The following IMPG2 variants were observed in gnomAD, a reference collection of about 807,000 sequenced individuals.
IMPG2 encodes the protein IPM 200.
A neutral mutation model predicts 129.2 loss-of-function variants in IMPG2; 91 were observed. The ratio of observed to expected loss-of-function variants is 0.70; its 90% CI spans 0.59 to 0.84. IMPG2 has a LOEUF of 0.84. Among genes scored for constraint, IMPG2 ranks in the 40% least tolerant of loss-of-function variants. The pLI is 0.00. For synonymous variants in IMPG2, 510 were observed against 517.7 expected (o/e 0.99, Z 0.20); for missense variants, 1,430 against 1,461.7 (o/e 0.98, Z 0.35).
intron 8 of IMPG2, among the ~76,000 whole-genome samples, 164 bp from the exon 9 acceptor site, chr3:101,267,695 A>G (rs1259367672): frequency 6.6e-6 from 1 of 152,240 alleles, no homozygotes; most frequent in Non-Finnish European, 1.5e-5. Flanking sequence ...AAGTGAGCAA[A>G]GGTGAAAAAA....
At chr3:101,260,508 T>C (rs1284154109) in intron 9 of IMPG2, among the ~76,000 whole-genome samples, 1 of 152,152 alleles carries the variant, frequency 6.6e-6, no homozygotes, top group Non-Finnish European at 1.5e-5. Context: ...CACCTACCGA[T>C]CAGAACTCAC....
At chr3:101,236,594 G>A (rs1378886000) in intron 14 of IMPG2, among the ~76,000 whole-genome samples, 3 of 152,186 alleles carry the variant, frequency 2.0e-5, no homozygotes. Flanking sequence ...GGAAGTGCAA[G>A]GGGTTGGGGT....
rs9876182 is a variant in IMPG2 at position 101,237,688 on chromosome 3, C to T, written c.3023-4697G>A. On this transcript the variant is annotated intron_variant, in intron 14 of 18. Coordinates refer to ENST00000193391, the MANE Select transcript of IMPG2 (RefSeq NM_016247.4). ...ATAGCATCAACATCAACAAAAAGGA[C>T]GTCCAGACACAGAAACTCCATGCAA... Among the ~76,000 whole-genome samples the T allele has an allele frequency of 7.3e-3, 1,113 of 152,172 alleles. 2 individuals are homozygous for T. Among genetic ancestry groups the T allele is most frequent in the Non-Finnish European group, 0.013 (896 of 68,000 alleles).
At chr3:101,228,987 A>G (rs1706252708) in intron 17 of IMPG2, 111 bp from the exon 18 acceptor site, 1 of 807,928 alleles carries the variant, frequency 1.2e-6, no homozygotes. Context: ...GGCTATTCAG[A>G]AGTATGCTAT....
chr3:101,249,913 TA>T (rs1286457048), intron 11 of IMPG2, among the ~76,000 whole-genome samples: 1 of 149,848 alleles, frequency 6.7e-6, no homozygotes, highest in Non-Finnish European at 1.5e-5. Context: ...AAACATAAAA[TA>T]AAAAAAAATA....
intron 13 of IMPG2, among the ~76,000 whole-genome samples, chr3:101,243,293 C>T (rs891244553): frequency 1.3e-5 from 2 of 152,170 alleles, no homozygotes; most frequent in Non-Finnish European, 2.9e-5. Context: ...TCATGGAAAA[C>T]AATCTTCCTT....
chr3:101,272,625 C>T (rs1219740636), intron 7 of IMPG2, among the ~76,000 whole-genome samples: 1 of 152,218 alleles, frequency 6.6e-6, no homozygotes, highest in Non-Finnish European at 1.5e-5. Flanking sequence ...CAGGTGGCCA[C>T]TGGCCTGGCT....
intron 15 of IMPG2, 69 bp from the exon 16 acceptor site, chr3:101,231,214 C>A: frequency 1.4e-6 from 2 of 1,429,324 alleles, no homozygotes; most frequent in Non-Finnish European, 2.0e-6. Context: ...ACAGCAGAAC[C>A]TTCTGAGGGA....
chr3:101,226,111 C>T lies in IMPG2; in HGVS notation c.*858G>A, dbSNP rs1268777098. Reference sequence around the variant, plus strand: ...TCAGAAGCAATCAGGGAACCTCAGTCCAGCAATCAAGAAACAAAATATATT... The same window carrying T: ...TCAGAAGCAATCAGGGAACCTCAGTTCAGCAATCAAGAAACAAAATATATT... On this transcript the variant is annotated 3_prime_UTR_variant, in exon 19 of 19. Transcript: ENST00000193391. 3.9e-5 allele frequency: 6 copies of T among 153,778 alleles called. No individual in the cohort carries two copies. The highest frequency in any genetic ancestry group is 1.3e-4 in the Admixed American group (2 of 15,168). 9.5% of individuals were successfully genotyped at this position (153,778 alleles called of 1,614,324 possible).
intron 4 of IMPG2, among the ~76,000 whole-genome samples, chr3:101,280,555 C>T (rs186712157): frequency 3.9e-5 from 6 of 152,214 alleles, no homozygotes; most frequent in East Asian, 1.9e-4. Flanking sequence ...TATGCAGAAG[C>T]ATCAGAAAAA....
rs1293290415 is a variant in IMPG2 at position 101,242,903 on chromosome 3, A to G, written c.2807T>C (p.Val936Ala). The change falls in exon 14 of 19, where the codon GTT (valine) becomes GCT (alanine). Residue 936 changes from valine (V) to alanine (A), a missense_variant. By Grantham distance (64) the Val-to-Ala change is moderately conservative. Transcript: ENST00000193391. The part of the protein sequence containing the change: ...ALEQRFLELL[V>A]PYLQSNLTGF... ...CGTGAGATTTGACTGGAGATAGGGA[A>G]CCAGCTACAATATACAAAAGTGGTA... The G allele has an allele frequency of 6.2e-7, 1 of 1,612,906 alleles. No individual in the cohort carries two copies. The highest frequency in any genetic ancestry group is 2.2e-5 in the East Asian group (1 of 44,856).
rs2107218081 is a variant in IMPG2 at position 101,242,773 on chromosome 3, C to T, written c.2937G>A (p.Val979=). Residue 979 remains valine (V), a synonymous_variant, in exon 14 of 19, where the codon GTG becomes GTA. Transcript: ENST00000193391. Reference sequence around the variant, plus strand: ...TACAAAAGTCTTCCAGAATCATGTACACCGCATTGTTGACGTTAGGAGGGA... The same window carrying T: ...TACAAAAGTCTTCCAGAATCATGTATACCGCATTGTTGACGTTAGGAGGGA... ...NSVPPNVNNA[V]YMILEDFCTT... 1 of 1,614,006 alleles carries T rather than the reference C, an allele frequency of 6.2e-7. No homozygotes were observed. The highest frequency in any genetic ancestry group is 8.5e-7 in the Non-Finnish European group (1 of 1,179,912).
At chr3:101,291,364 C>A in intron 4 of IMPG2, 115 bp downstream of exon 4, 2 of 878,850 alleles carry the variant, frequency 2.3e-6, no homozygotes, top group East Asian at 2.4e-5. Context: ...CAGGCCTGGT[C>A]ATTGCGAACT....
At chr3:101,264,732 A>T (rs1467336424) in intron 9 of IMPG2, among the ~76,000 whole-genome samples, 1 of 152,002 alleles carries the variant, frequency 6.6e-6, no homozygotes, top group Non-Finnish European at 1.5e-5. Flanking sequence ...TAAAAGACAT[A>T]CAAATTGGAA....
chr3:101,279,166 A>G (rs1402735290), intron 4 of IMPG2, among the ~76,000 whole-genome samples: 1 of 152,350 alleles, frequency 6.6e-6, no homozygotes, highest in East Asian at 1.9e-4. Context: ...AATAACAGCA[A>G]GAATAATTAC....
intron 2 of IMPG2, among the ~76,000 whole-genome samples, chr3:101,316,147 CTG>C (rs1174022376): frequency 6.6e-6 from 1 of 151,866 alleles, no homozygotes; most frequent in Non-Finnish European, 1.5e-5. Flanking sequence ...AACCTAAAAA[CTG>C]TAAAAATTCT....
chr3:101,229,456 G>C lies in IMPG2; in HGVS notation c.3557C>G (p.Ala1186Gly), dbSNP rs1430441256. 6.2e-7 allele frequency: 1 copy of C among 1,613,230 alleles called. No individual in the cohort carries two copies. Among genetic ancestry groups the C allele is most frequent in the South Asian group, 1.1e-5 (1 of 91,038 alleles). Residue 1186 changes from alanine (A) to glycine (G), a missense_variant, in exon 17 of 19, where the codon GCT becomes GGT. Physicochemically the swap from Ala to Gly is moderately conservative, Grantham distance 60 (BLOSUM62 0). Coordinates refer to ENST00000193391, the MANE Select transcript of IMPG2 (RefSeq NM_016247.4). Reference sequence around the variant, plus strand: ...CAGCCCACCAATCACGTCTCCGCTAGCAGAGCTGTAGAAGGGATGCTGAGG... The same window carrying C: ...CAGCCCACCAATCACGTCTCCGCTACCAGAGCTGTAGAAGGGATGCTGAGG... ...PYPQHPFYSS[A>G]SGDVIGGLSR...
At chr3:101,272,114 C>CACAT (rs1553683429) in intron 7 of IMPG2, among the ~76,000 whole-genome samples, 10 of 151,714 alleles carry the variant, frequency 6.6e-5, no homozygotes, top group African/African-American at 2.2e-4. Flanking sequence ...CACACACACA[C>CACAT]ACACACATAC....
Position 101,229,607 on chromosome 3 carries a change from A to G in IMPG2, c.3423-17T>C, listed in dbSNP as rs745720396. ...CTGGAGCCACTAAAAGAAAGATATG[A>G]TGGATTCAGGCTCTTGTTTGGATGC... On this transcript the variant is annotated splice_polypyrimidine_tract_variant and intron_variant, in intron 16 of 18. Transcript: ENST00000193391. 1 of 1,606,348 alleles carries G rather than the reference A, an allele frequency of 6.2e-7. No homozygotes were observed. Among genetic ancestry groups the G allele is most frequent in the Non-Finnish European group, 8.5e-7 (1 of 1,173,716 alleles).
Sources: allele counts gnomAD v4.1 joint callset (sites outside exome capture counted in the v4.1 genomes callset), GRCh38; gene constraint gnomAD v4.1.1; transcripts MANE v1.5; gene names NCBI Gene and HGNC (gene_info 2026-07-23, HGNC 2026-07-21).